The following UFL1 variants were observed in gnomAD, a reference collection of about 807,000 sequenced individuals.
UFL1 encodes the protein E3 UFM1-protein ligase 1.
In UFL1, 78 loss-of-function variants were observed where a neutral mutation model predicts 99.3. The observed-to-expected ratio is 0.79, with a 90% CI of 0.65 to 0.95. The LOEUF (loss-of-function observed/expected upper bound fraction) is 0.95. UFL1 is among the 40% of genes least tolerant of loss of function. The pLI is 0.00. For synonymous variants in UFL1, 335 were observed against 322.2 expected (o/e 1.04, Z -0.42); for missense variants, 936 against 937.0 (o/e 1.00, Z 0.01).
Position 96,542,778 on chromosome 6 carries a change from C to A in UFL1, c.1280-116C>A. ...AAATTTAAAAAGAGTCTAAAAGTTTCTTTATTTTGCCTTTATTTTTTCTGC... is the reference window on the plus strand; with the variant it reads ...AAATTTAAAAAGAGTCTAAAAGTTTATTTATTTTGCCTTTATTTTTTCTGC... On this transcript the variant is annotated intron_variant, in intron 11 of 18. Coordinates refer to ENST00000369278, the MANE Select transcript of UFL1 (RefSeq NM_015323.5). 3 of 1,078,186 alleles carry A rather than the reference C, an allele frequency of 2.8e-6. 1 individual carries two copies. Among genetic ancestry groups the A allele is most frequent in the Admixed American group, 8.5e-5 (2 of 23,530 alleles). 66.8% of individuals were successfully genotyped at this position (1,078,186 alleles called of 1,614,324 possible). A position where few individuals can be genotyped will look rare whatever the true frequency, so the allele number is the denominator to read the frequency against.
At chr6:96,522,831 A>G (rs148551841) in intron 1 of UFL1, 60 of 190,006 alleles carry the variant, frequency 3.2e-4, no homozygotes, top group African/African-American at 1.3e-3. Context: ...CTTTTTTCCT[A>G]CCTAAATAAA....
chr6:96,551,473 A>C lies in UFL1; in HGVS notation c.1859A>C (p.Lys620Thr). The C allele has an allele frequency of 1.9e-6, 3 of 1,538,828 alleles. No homozygotes were observed. The South Asian group carries it at 3.7e-5, about 19-fold the overall frequency. Residue 620 changes from lysine (K) to threonine (T), a missense_variant, in exon 16 of 19, where the codon AAA becomes ACA. Coordinates refer to ENST00000369278, the MANE Select transcript of UFL1 (RefSeq NM_015323.5). ...TTAAGTAAATTATCAGAAGAAACCA[A>C]AGTAGCTCTTACAAAACTCCATAAC... is the stretch of plus-strand genomic sequence containing the variant. ...KILSKLSEET[K>T]VALTKLHNSL...
intron 6 of UFL1, among the ~76,000 whole-genome samples, chr6:96,531,455 A>G (rs2127949914): frequency 6.6e-6 from 1 of 152,254 alleles, no homozygotes; most frequent in Middle Eastern, 3.4e-3. Flanking sequence ...TACTTGATTA[A>G]TTCCCCTTAT....
At chr6:96,551,585 T>G (rs1770080975) in intron 16 of UFL1, 72 bp downstream of exon 16, 1 of 1,091,706 alleles carries the variant, frequency 9.2e-7, no homozygotes, top group African/African-American at 1.7e-5. Context: ...GTAGATTTTT[T>G]TATCAGAGTA....
At chr6:96,523,672 C>T (rs1769659348) in intron 2 of UFL1, among the ~76,000 whole-genome samples, 1 of 152,022 alleles carries the variant, frequency 6.6e-6, no homozygotes, top group Non-Finnish European at 1.5e-5. Context: ...AAAATCAAGG[C>T]TGTATTTCTT....
In UFL1 at chr6:96,554,946, C is replaced by T. The variant is rs2127954420; in HGVS notation, c.*1443C>T. 6.6e-6 allele frequency: 1 copy of T among 152,602 alleles called. No homozygotes were observed. The highest frequency in any genetic ancestry group is 1.9e-4 in the East Asian group (1 of 5,190). The allele number at this position is 152,602 out of a possible 1,614,324, so 9.5% of individuals were successfully genotyped here. A position where few individuals can be genotyped will look rare whatever the true frequency, so the allele number is the denominator to read the frequency against. ...TTGAACACCCAGACTTTTAATTCAACCTTTAAGAACCTTATCATTTATGTT... is the reference window on the plus strand; with the variant it reads ...TTGAACACCCAGACTTTTAATTCAATCTTTAAGAACCTTATCATTTATGTT... On this transcript the variant is annotated 3_prime_UTR_variant, in exon 19 of 19. Coordinates refer to ENST00000369278, the MANE Select transcript of UFL1 (RefSeq NM_015323.5).
Position 96,543,004 on chromosome 6 carries a change from T to C in UFL1, c.1390T>C (p.Ser464Pro), listed in dbSNP as rs1230154141. 6.3e-7 allele frequency: 1 copy of C among 1,595,170 alleles called. No individual in the cohort carries two copies. The change falls in exon 12 of 19, where the codon TCA (serine) becomes CCA (proline). Residue 464 changes from serine to proline, a missense_variant. By Grantham distance (74) the Ser-to-Pro change is moderately conservative. Transcript: ENST00000369278. ...TGATGATAGTGATGATGAATCTCAA[T>C]CATCCCACACTGGTAGGTAGCTTTT... ...KDDDSDDESQSSHTGKKKPEI... is the reference protein window; with the variant it reads ...KDDDSDDESQPSHTGKKKPEI...
intron 9 of UFL1, 143 bp from the exon 10 acceptor site, chr6:96,538,488 T>G: frequency 1.5e-6 from 1 of 677,766 alleles, no homozygotes; most frequent in South Asian, 2.7e-5. Flanking sequence ...GAAATATAAT[T>G]TGGAGGTTAT....
intron 6 of UFL1, among the ~76,000 whole-genome samples, chr6:96,530,973 G>A (rs1413416069): frequency 6.6e-6 from 1 of 152,214 alleles, no homozygotes; most frequent in Non-Finnish European, 1.5e-5. Flanking sequence ...AGGTGAGGGT[G>A]GGCAAGCCAG....
intron 5 of UFL1, among the ~76,000 whole-genome samples, chr6:96,527,564 C>G (rs1769721635): frequency 6.6e-6 from 1 of 151,976 alleles, no homozygotes; most frequent in South Asian, 2.1e-4. Context: ...ATTTAAAATA[C>G]CATTTATAGT....
chr6:96,545,053 A>G (rs1324257117), intron 12 of UFL1, among the ~76,000 whole-genome samples: 1 of 151,138 alleles, frequency 6.6e-6, no homozygotes, highest in Non-Finnish European at 1.5e-5. Context: ...TTGAAAATGC[A>G]TAAAGGAAGT....
chr6:96,549,931 T>C, intron 15 of UFL1, 132 bp downstream of exon 15: 1 of 1,283,890 alleles, frequency 7.8e-7, no homozygotes, highest in Admixed American at 2.5e-5. Context: ...AATCTAAAAG[T>C]TTTTTATTCA....
At position 96,548,229 on chromosome 6, in the gene UFL1, A is replaced by C. The variant is rs777221633; in HGVS notation, c.1468A>C (p.Ile490Leu). ...GATTGAAGATTTTTTAAGAAAACACATACAAGATGCCCCTGAGGAGTTTAT... is the reference window on the plus strand; with the variant it reads ...GATTGAAGATTTTTTAAGAAAACACCTACAAGATGCCCCTGAGGAGTTTAT... The part of the protein sequence containing the change: ...DEIEDFLRKH[I>L]QDAPEEFISE... The change falls in exon 13 of 19, where the codon ATA (isoleucine) becomes CTA (leucine). Residue 490 changes from isoleucine to leucine, a missense_variant. By Grantham distance (5) the Ile-to-Leu change is conservative. Transcript: ENST00000369278. 5.0e-6 allele frequency: 8 copies of C among 1,608,332 alleles called. No individual in the cohort carries two copies. The East Asian group carries it at 1.8e-4, about 36-fold the overall frequency.
chr6:96,538,753 A>C lies in UFL1; in HGVS notation c.1101A>C (p.Lys367Asn), dbSNP rs1407332542. 1 of 1,611,194 alleles carries C rather than the reference A, an allele frequency of 6.2e-7. No homozygotes were observed. Among genetic ancestry groups the C allele is most frequent in the African/African-American group, 1.3e-5 (1 of 74,720 alleles). The change falls in exon 10 of 19, where the codon AAA (lysine) becomes AAC (asparagine). Residue 367 changes from lysine (K) to asparagine (N), a missense_variant. Physicochemically the swap from Lys to Asn is moderately conservative, Grantham distance 94. Coordinates refer to ENST00000369278, the MANE Select transcript of UFL1 (RefSeq NM_015323.5). ...VFSDTVVVSE[K>N]FINDCTELFR... ...GCGACACTGTTGTAGTCAGTGAAAA[A>C]TTTATAAATGACTGTACAGAACTGT...
chr6:96,540,768 T>C (rs1187257546), intron 11 of UFL1, 113 bp downstream of exon 11: 2 of 1,293,690 alleles, frequency 1.5e-6, no homozygotes, highest in Non-Finnish European at 2.1e-6. Context: ...TGATTTACCT[T>C]TAAACAGCTA....
At chr6:96,523,819 A>G (rs1769661690) in intron 2 of UFL1, among the ~76,000 whole-genome samples, 1 of 152,176 alleles carries the variant, frequency 6.6e-6, no homozygotes, top group African/African-American at 2.4e-5. Context: ...ACAGACTACC[A>G]AGCATATTTG....
At chr6:96,538,875 C>CT in intron 10 of UFL1, 65 bp downstream of exon 10, 3 of 1,386,930 alleles carry the variant, frequency 2.2e-6, no homozygotes, top group Non-Finnish European at 2.9e-6. Flanking sequence ...CATCTGATGT[C>CT]TTTTGAAAAA....
intron 13 of UFL1, among the ~76,000 whole-genome samples, chr6:96,549,194 C>T (rs1451839600): frequency 6.6e-6 from 1 of 151,464 alleles, no homozygotes; most frequent in Non-Finnish European, 1.5e-5. Flanking sequence ...ATTGCAGTAA[C>T]TTTGAATACT....
At chr6:96,535,196 A>G (rs1270674267) in intron 7 of UFL1, among the ~76,000 whole-genome samples, 2 of 151,962 alleles carry the variant, frequency 1.3e-5, no homozygotes, top group Non-Finnish European at 2.9e-5. Flanking sequence ...GATGTATTCT[A>G]ATTTACTCAG....
Sources: gnomAD v4.1 joint callset for allele counts (sites outside exome capture counted in the v4.1 genomes callset) on GRCh38, gnomAD v4.1.1 for gene constraint, MANE v1.5 for transcripts, NCBI Gene and HGNC (gene_info 2026-07-23, HGNC 2026-07-21) for gene names.